The following PARD3B variants were observed in gnomAD, a reference collection of about 807,000 sequenced individuals.
PARD3B encodes the protein par-3 family cell polarity regulator beta, also known as partitioning defective 3 homolog B.
PARD3B carries 103 observed loss-of-function variants against 130.2 expected under a neutral mutation model. The observed-to-expected ratio is 0.79, with a 90% confidence interval of 0.67 to 0.93. The LOEUF (loss-of-function observed/expected upper bound fraction) is 0.93, where lower values mean the gene tolerates loss of function less well. PARD3B is among the 40% of genes least tolerant of loss of function. The pLI is 0.00. For synonymous variants in PARD3B, 583 were observed against 553.2 expected, an observed-to-expected ratio of 1.05 and a Z score of -0.76; for missense variants, 1,609 against 1,499.2, an observed-to-expected ratio of 1.07 and a Z score of -1.21.
intron 18 of PARD3B, among the ~76,000 whole-genome samples, chr2:205,398,689 A>G (rs1216625897): frequency 2.6e-5 from 4 of 152,186 alleles, no homozygotes; most frequent in Non-Finnish European, 5.9e-5. Flanking sequence ...AAGCAATGCC[A>G]CCTTCCAGGT....
In PARD3B at chr2:205,461,530, G is replaced by A. The variant is rs2048454418; in HGVS notation, c.3044+20858G>A. On this transcript the variant is annotated intron_variant, in intron 20 of 22. Transcript: ENST00000406610. This position sits in a 1 kb window ranked among gnomAD's most constrained non-coding sequence, Gnocchi z 4.3. The stretch of plus-strand genomic sequence containing the variant: ...TGGTTCTCCAGCTGTCCAGGGACAT[G>A]CACCCTCTACCTCCCAGAGACCTAA... Among the ~76,000 whole-genome samples, 1 of 152,134 alleles carries A rather than the reference G, an allele frequency of 6.6e-6. No homozygotes were observed. The highest frequency in any genetic ancestry group is 1.5e-5 in the Non-Finnish European group (1 of 68,018).
chr2:204,950,201 C>T (rs1689653617), intron 2 of PARD3B, among the ~76,000 whole-genome samples: 1 of 152,126 alleles, frequency 6.6e-6, no homozygotes, highest in Admixed American at 6.5e-5. Flanking sequence ...AACCTGCCCC[C>T]CTCCCCATTT....
At chr2:204,756,401 C>G (rs2040675525) in intron 2 of PARD3B, among the ~76,000 whole-genome samples, 1 of 151,912 alleles carries the variant, frequency 6.6e-6, no homozygotes, top group Admixed American at 6.6e-5. Flanking sequence ...AATAGTGATA[C>G]AAATGGTTGT....
chr2:204,586,210 A>G (rs566995256), intron 1 of PARD3B, among the ~76,000 whole-genome samples: 253 of 152,326 alleles, frequency 1.7e-3, no homozygotes, highest in African/African-American at 5.6e-3. Context: ...TAATTCCATC[A>G]TAAATGCATA....
At chr2:204,707,114 G>A (rs951620858) in intron 2 of PARD3B, among the ~76,000 whole-genome samples, 3 of 152,176 alleles carry the variant, frequency 2.0e-5, no homozygotes, top group African/African-American at 4.8e-5. Flanking sequence ...ATATGGCAGA[G>A]TGGTTTCTCA....
At chr2:204,773,476 C>T (rs1489138895) in intron 2 of PARD3B, among the ~76,000 whole-genome samples, 1 of 151,866 alleles carries the variant, frequency 6.6e-6, no homozygotes, top group Non-Finnish European at 1.5e-5. Flanking sequence ...CCATTTGTTG[C>T]ATTTCAATGG....
intron 2 of PARD3B, among the ~76,000 whole-genome samples, chr2:204,945,674 C>T (rs1689262229): frequency 6.6e-6 from 1 of 152,056 alleles, no homozygotes; most frequent in Non-Finnish European, 1.5e-5. Flanking sequence ...GCTTCAGTGG[C>T]CTTCTTCATA....
intron 5 of PARD3B, among the ~76,000 whole-genome samples, chr2:205,111,282 A>G (rs1224159188): frequency 6.6e-6 from 1 of 152,054 alleles, no homozygotes; most frequent in Non-Finnish European, 1.5e-5. Flanking sequence ...AAAAGTTATC[A>G]AAAATGCTTC....
intron 18 of PARD3B, among the ~76,000 whole-genome samples, chr2:205,369,110 A>C (rs2044717872): frequency 6.6e-6 from 1 of 152,208 alleles, no homozygotes; most frequent in South Asian, 2.1e-4. Context: ...CTGTGGCTGC[A>C]AGAGAAATTG....
intron 18 of PARD3B, among the ~76,000 whole-genome samples, chr2:205,359,775 A>T (rs1186106336): frequency 6.6e-6 from 1 of 152,094 alleles, no homozygotes; most frequent in Non-Finnish European, 1.5e-5. Flanking sequence ...GTATATGGAC[A>T]TCTGCTTAGC....
chr2:205,349,168 A>G (rs2043901751), intron 18 of PARD3B, among the ~76,000 whole-genome samples: 1 of 152,232 alleles, frequency 6.6e-6, no homozygotes, highest in Non-Finnish European at 1.5e-5. Context: ...GCAGAAAGAT[A>G]GAAAAAGATA....
intron 4 of PARD3B, among the ~76,000 whole-genome samples, chr2:205,076,428 GTTATC>G (rs976065789): frequency 6.6e-6 from 1 of 152,126 alleles, no homozygotes; most frequent in Admixed American, 6.6e-5. Context: ...TTCAATAAAT[GTTATC>G]TTAAATGTTA....
intron 2 of PARD3B, among the ~76,000 whole-genome samples, chr2:204,777,819 A>G (rs982215172): frequency 2.0e-5 from 3 of 152,178 alleles, no homozygotes; most frequent in South Asian, 2.1e-4. Flanking sequence ...TGTAATCCTC[A>G]TATGTCGAGG....
chr2:204,873,833 G>A (rs2045732276), intron 2 of PARD3B, among the ~76,000 whole-genome samples: 1 of 151,966 alleles, frequency 6.6e-6, no homozygotes, highest in Non-Finnish European at 1.5e-5. Context: ...TAAACAAGAA[G>A]GGCAGATAGG....
intron 4 of PARD3B, among the ~76,000 whole-genome samples, chr2:205,096,430 A>T (rs143717877): frequency 6.6e-6 from 1 of 152,308 alleles, no homozygotes; most frequent in African/African-American, 2.4e-5. Context: ...AAAATCATTC[A>T]GCATCTCTTG....
chr2:205,235,100 T>A (rs1424167219), intron 15 of PARD3B, among the ~76,000 whole-genome samples: 1 of 152,052 alleles, frequency 6.6e-6, no homozygotes, highest in South Asian at 2.1e-4. Context: ...AGATTTCAAA[T>A]AAATGACCTC....
At chr2:204,971,529 G>A (rs1691705755) in intron 3 of PARD3B, among the ~76,000 whole-genome samples, 1 of 152,098 alleles carries the variant, frequency 6.6e-6, no homozygotes, top group East Asian at 1.9e-4. Context: ...GTTTCATCCT[G>A]TTTGTTTCCT....
chr2:205,123,620 G>T (rs2031021189), intron 8 of PARD3B, among the ~76,000 whole-genome samples: 1 of 82,946 alleles, frequency 1.2e-5, no homozygotes. Context: ...AAAATAATCA[G>T]AAAATAAAGA....
At chr2:205,079,081 T>C (rs1701242351) in intron 4 of PARD3B, among the ~76,000 whole-genome samples, 1 of 152,222 alleles carries the variant, frequency 6.6e-6, no homozygotes, top group African/African-American at 2.4e-5. Flanking sequence ...GAGATGTGAA[T>C]ATGTAAACCA....
Sources: gnomAD v4.1 joint callset for allele counts (sites outside exome capture counted in the v4.1 genomes callset) on GRCh38, gnomAD v4.1.1 for gene constraint, Gnocchi (gnomAD v3.1) non-coding constraint, MANE v1.5 for transcripts, NCBI Gene and HGNC (gene_info 2026-07-23, HGNC 2026-07-21) for gene names.